SNTG1: variants seen among roughly 807,000 people sequenced by gnomAD.
The protein encoded by SNTG1 is gamma-1-syntrophin.
A neutral mutation model predicts 74.7 loss-of-function variants in SNTG1; 39 were observed. That is an observed-to-expected ratio of 0.52 (90% CI 0.40 to 0.68). SNTG1 has a LOEUF of 0.68. SNTG1 is among the 30% of genes least tolerant of loss of function. The pLI is 0.00. For missense variants in SNTG1, 685 were observed against 609.5 expected (o/e 1.12, Z -1.30); for synonymous variants, 254 against 217.1 (o/e 1.17, Z -1.49).
At chr8:50,279,882 C>G (rs1334568784) in intron 2 of SNTG1, among the ~76,000 whole-genome samples, 1 of 152,156 alleles carries the variant, frequency 6.6e-6, no homozygotes, top group East Asian at 1.9e-4. Context: ...TCAATCAATG[C>G]CTTCCCCACT....
At position 50,470,686 on chromosome 8, in the gene SNTG1, T is replaced by A. The variant is rs569588731; in HGVS notation, c.363+19957T>A. The stretch of plus-strand genomic sequence containing the variant: ...TTCATTCATCCTGGTGGGTTCGTGG[T>A]GTTGCTGGCTTCAGGAGTGAAGCTG... On this transcript the variant is annotated intron_variant, in intron 8 of 18. Transcript: ENST00000642720. Among the ~76,000 whole-genome samples, 7 of 152,258 alleles carry A rather than the reference T, an allele frequency of 4.6e-5. No homozygotes were observed. The East Asian group carries it at 9.7e-4, about 21-fold the overall frequency.
chr8:50,615,486 C>A (rs2131010355), intron 13 of SNTG1, among the ~76,000 whole-genome samples: 1 of 152,246 alleles, frequency 6.6e-6, no homozygotes, highest in Middle Eastern at 3.4e-3. Flanking sequence ...GAGGAGGAAG[C>A]ATAACCGAAT....
intron 1 of SNTG1, among the ~76,000 whole-genome samples, chr8:49,965,178 ATACC>A (rs1327202616): frequency 2.6e-5 from 4 of 152,158 alleles, no homozygotes; most frequent in Non-Finnish European, 5.9e-5. Flanking sequence ...AATTCTGCTT[ATACC>A]TATGAGGGTG....
At chr8:50,751,719 G>A (rs1789193743) in intron 17 of SNTG1, among the ~76,000 whole-genome samples, 2 of 151,932 alleles carry the variant, frequency 1.3e-5, no homozygotes, top group African/African-American at 4.8e-5. Context: ...GAAACATACA[G>A]TGCTTATTGA....
At chr8:50,031,808 G>A (rs1817760758) in intron 1 of SNTG1, among the ~76,000 whole-genome samples, 1 of 151,912 alleles carries the variant, frequency 6.6e-6, no homozygotes, top group Non-Finnish European at 1.5e-5. Context: ...TTCGGTTTTG[G>A]TACAAGAGTA....
chr8:49,989,222 A>T (rs1813454022), intron 1 of SNTG1, among the ~76,000 whole-genome samples: 1 of 152,030 alleles, frequency 6.6e-6, no homozygotes, highest in African/African-American at 2.4e-5. Flanking sequence ...GACCATTTAA[A>T]AGAGTGAAGA....
At chr8:50,290,392 T>C (rs1478969229) in intron 2 of SNTG1, among the ~76,000 whole-genome samples, 1 of 152,204 alleles carries the variant, frequency 6.6e-6, no homozygotes, top group East Asian at 1.9e-4. Flanking sequence ...TTTCTTCTTT[T>C]TAATCTCAAG....
At chr8:50,739,706 C>T (rs1114527) in intron 17 of SNTG1, among the ~76,000 whole-genome samples, 2 of 151,628 alleles carry the variant, frequency 1.3e-5, no homozygotes, top group East Asian at 2.0e-4. Context: ...TACAACGTGG[C>T]GGCATCACTC....
intron 2 of SNTG1, among the ~76,000 whole-genome samples, chr8:50,288,666 A>G (rs1455449544): frequency 6.6e-6 from 1 of 152,168 alleles, no homozygotes; most frequent in Non-Finnish European, 1.5e-5. Context: ...TTGTGTGTAG[A>G]GCTATGAAAT....
At chr8:50,784,095 T>C (rs906137243) in intron 18 of SNTG1, among the ~76,000 whole-genome samples, 1 of 152,202 alleles carries the variant, frequency 6.6e-6, no homozygotes, top group African/African-American at 2.4e-5. Context: ...ATAACTACTG[T>C]AAAAGAGTAG....
intron 18 of SNTG1, among the ~76,000 whole-genome samples, chr8:50,756,227 C>T (rs1162532298): frequency 6.6e-6 from 1 of 151,756 alleles, no homozygotes; most frequent in East Asian, 1.9e-4. Flanking sequence ...TTGAGAATGT[C>T]TTTCATAGAG....
Position 50,708,941 on chromosome 8 carries a change from T to TC in SNTG1, c.1248dup (p.Ser417GlnfsTer8), listed in dbSNP as rs757576693. ...CATCTAATGGGACTCACAATTGATT[T>TC]CAGCACAGGATTTATCTGCTTTGAT... On this transcript the variant is annotated frameshift_variant, in exon 17 of 19. Transcript: ENST00000642720. LOFTEE classifies it high-confidence loss of function. The TC allele has an allele frequency of 6.2e-7, 1 of 1,613,902 alleles. No homozygotes were observed. Among genetic ancestry groups the TC allele is most frequent in the Non-Finnish European group, 8.5e-7 (1 of 1,179,904 alleles).
intron 1 of SNTG1, among the ~76,000 whole-genome samples, chr8:49,926,032 T>A (rs1806994011): frequency 6.6e-6 from 1 of 152,196 alleles, no homozygotes; most frequent in Non-Finnish European, 1.5e-5. Context: ...CTTGAATCGG[T>A]CATCCTAAGT....
At chr8:50,132,876 C>T (rs1036588971) in intron 1 of SNTG1, among the ~76,000 whole-genome samples, 2 of 152,172 alleles carry the variant, frequency 1.3e-5, no homozygotes, top group Non-Finnish European at 2.9e-5. Flanking sequence ...ATAACTGTGT[C>T]TCTATCCCTG....
intron 15 of SNTG1, among the ~76,000 whole-genome samples, chr8:50,677,622 A>G (rs1011405035): frequency 1.3e-5 from 2 of 151,990 alleles, no homozygotes; most frequent in African/African-American, 4.8e-5. Context: ...GCAAATTTAC[A>G]TAGTATATGA....
chr8:50,303,409 A>T (rs185026150), intron 2 of SNTG1, among the ~76,000 whole-genome samples: 1 of 152,148 alleles, frequency 6.6e-6, no homozygotes, highest in Admixed American at 6.5e-5. Flanking sequence ...AATAAAGGTA[A>T]TAAATATATT....
intron 1 of SNTG1, among the ~76,000 whole-genome samples, chr8:49,979,595 G>A (rs1308918781): frequency 6.6e-6 from 1 of 152,098 alleles, no homozygotes; most frequent in East Asian, 1.9e-4. Flanking sequence ...TTCTTGGCTT[G>A]GTCTGACTGG....
intron 15 of SNTG1, among the ~76,000 whole-genome samples, chr8:50,700,553 C>G (rs2095419951): frequency 6.6e-6 from 1 of 152,100 alleles, no homozygotes; most frequent in Admixed American, 6.5e-5. Context: ...AATATCTTTT[C>G]CTGGCAGGTG....
At chr8:50,550,342 T>G (rs1288874017) in intron 11 of SNTG1, among the ~76,000 whole-genome samples, 4 of 152,180 alleles carry the variant, frequency 2.6e-5, no homozygotes, top group Non-Finnish European at 5.9e-5. Flanking sequence ...TTGCTCCTTG[T>G]GCATGAAAGT....
Sources: allele counts gnomAD v4.1 joint callset (sites outside exome capture counted in the v4.1 genomes callset), GRCh38; gene constraint gnomAD v4.1.1; transcripts MANE v1.5; gene names NCBI Gene and HGNC (gene_info 2026-07-23, HGNC 2026-07-21).